The following SDK2 variants were observed in gnomAD, a reference collection of about 807,000 sequenced individuals.
The protein encoded by SDK2 is sidekick cell adhesion molecule 2, also known as protein sidekick-2.
Under a neutral mutation model 253.9 loss-of-function variants are expected in SDK2, and 105 were observed. That is an observed-to-expected ratio of 0.41 (90% CI 0.35 to 0.49). The LOEUF (loss-of-function observed/expected upper bound fraction) is 0.49, where lower values mean the gene tolerates loss of function less well. Ranked by LOEUF, SDK2 falls within the 20% of genes least tolerant of loss-of-function variation. SDK2 has a pLI of 0.06. For synonymous variants in SDK2, 1,249 were observed against 1,234.9 expected (o/e 1.01, Z -0.24); for missense variants, 2,608 against 3,003.0 (o/e 0.87, Z 3.07).
At chr17:73,559,317 G>A (rs8075940) in intron 1 of SDK2, among the ~76,000 whole-genome samples, 42,683 of 152,086 alleles carry the variant, frequency 0.28, 6,297 homozygotes, top group East Asian at 0.48. Context: ...AGATGGTGGC[G>A]ATACATGTGC....
intron 1 of SDK2, among the ~76,000 whole-genome samples, chr17:73,578,723 G>C (rs2045492073): frequency 6.6e-6 from 1 of 152,144 alleles, no homozygotes; most frequent in Non-Finnish European, 1.5e-5. Flanking sequence ...CCAACAGTGT[G>C]AGAGGCTGAG....
In SDK2 at chr17:73,618,509, T is replaced by C. The variant is rs1599730752; in HGVS notation, c.64+25516A>G. 6.6e-6 allele frequency among the ~76,000 whole-genome samples: 1 copy of C among 152,188 alleles called. No individual in the cohort carries two copies. The highest frequency in any genetic ancestry group is 2.4e-5 in the African/African-American group (1 of 41,444). On this transcript the variant is annotated intron_variant, in intron 1 of 44. Transcript: ENST00000392650. The surrounding 1 kb of genome is among the most constrained non-coding windows in gnomAD (Gnocchi z 4.1). ...CTCTTAATTAATCAGCAAGGAACTA[T>C]AAAAAACCTACTGTATGCCCAGGAC... is the stretch of plus-strand genomic sequence containing the variant.
intron 36 of SDK2, among the ~76,000 whole-genome samples, chr17:73,378,916 G>A (rs1289592462): frequency 6.6e-6 from 1 of 152,146 alleles, no homozygotes; most frequent in Non-Finnish European, 1.5e-5. Context: ...GATGGCTAGA[G>A]TTTCTTGCAC....
intron 2 of SDK2, among the ~76,000 whole-genome samples, chr17:73,488,884 G>C (rs149024485): frequency 2.0e-3 from 309 of 152,186 alleles, no homozygotes; most frequent in Middle Eastern, 0.017. Context: ...TTATCGCACA[G>C]TTTGGCATAG....
intron 1 of SDK2, among the ~76,000 whole-genome samples, chr17:73,568,054 A>T (rs2045333387): frequency 6.6e-6 from 1 of 152,184 alleles, no homozygotes; most frequent in Non-Finnish European, 1.5e-5. Context: ...TATGGTTTGG[A>T]TATGTGTCCC....
In SDK2 at chr17:73,465,515, A is replaced by T. The variant is rs905575172; in HGVS notation, c.331+6597T>A. ...TCCGGAAGGCTCTCCCAACCCTCTT[A>T]GCCATTCATCCCACATGCTGAATGC... On this transcript the variant is annotated intron_variant, in intron 3 of 44. Coordinates refer to ENST00000392650, the MANE Select transcript of SDK2 (RefSeq NM_001144952.2). The surrounding 1 kb of genome is among the most constrained non-coding windows in gnomAD (Gnocchi z 4.2). Among the ~76,000 whole-genome samples, 1 of 152,082 alleles carries T rather than the reference A, an allele frequency of 6.6e-6. No homozygotes were observed. The highest frequency in any genetic ancestry group is 2.4e-5 in the African/African-American group (1 of 41,402).
rs147641349 is a variant in SDK2, at chr17:73,440,239, G to T, written c.725+573C>A. ...TCTCCTGTCAGCCTCCAGAGTAGGT[G>T]GGATGACAGGCATGTGACACCACAC... On this transcript the variant is annotated intron_variant, in intron 6 of 44. Transcript: ENST00000392650. Among the ~76,000 whole-genome samples, 1,173 of 152,010 alleles carry T rather than the reference G, an allele frequency of 7.7e-3. 22 individuals carry two copies. Among genetic ancestry groups the T allele is most frequent in the South Asian group, 0.011 (52 of 4,808 alleles).
At chr17:73,546,292 G>A (rs750097848) in intron 1 of SDK2, among the ~76,000 whole-genome samples, 48 of 152,240 alleles carry the variant, frequency 3.2e-4, no homozygotes, top group Non-Finnish European at 5.1e-4. Flanking sequence ...TAGCTGACAC[G>A]TCTGTGAACA....
chr17:73,593,935 T>G (rs1425632364), intron 1 of SDK2, among the ~76,000 whole-genome samples: 1 of 152,210 alleles, frequency 6.6e-6, no homozygotes, highest in African/African-American at 2.4e-5. Flanking sequence ...CATTATCTCC[T>G]TTAATCCCCA....
intron 6 of SDK2, among the ~76,000 whole-genome samples, chr17:73,439,977 C>G (rs2063401540): frequency 6.6e-6 from 1 of 152,170 alleles, no homozygotes; most frequent in Non-Finnish European, 1.5e-5. Flanking sequence ...ACGGAAGGCA[C>G]TTAGCCACAC....
chr17:73,536,536 C>T (rs938702437), intron 1 of SDK2, among the ~76,000 whole-genome samples: 2 of 152,188 alleles, frequency 1.3e-5, no homozygotes, highest in Admixed American at 6.5e-5. Context: ...CTAGGTGTGC[C>T]GAAGCCTTTT....
At chr17:73,491,057 G>A (rs2063803074) in intron 2 of SDK2, among the ~76,000 whole-genome samples, 1 of 152,318 alleles carries the variant, frequency 6.6e-6, no homozygotes, top group Admixed American at 6.5e-5. Context: ...CCTACCTGAA[G>A]ATCCAGTGTG....
chr17:73,623,654 C>T (rs2046162496), intron 1 of SDK2, among the ~76,000 whole-genome samples: 1 of 152,100 alleles, frequency 6.6e-6, no homozygotes, highest in Non-Finnish European at 1.5e-5. Context: ...CTAGCTGCCC[C>T]CTGATCTCAC....
At position 73,618,139 on chromosome 17, in the gene SDK2, G is replaced by T. The variant is rs983754704; in HGVS notation, c.64+25886C>A. ...AAATGCAAGAGACCTTGAACCAATAGATAGGTTTCCTTACCTGCAGGTAGG... is the reference window on the plus strand; with the variant it reads ...AAATGCAAGAGACCTTGAACCAATATATAGGTTTCCTTACCTGCAGGTAGG... On this transcript the variant is annotated intron_variant, in intron 1 of 44. Transcript: ENST00000392650. This position sits in a 1 kb window ranked among gnomAD's most constrained non-coding sequence, Gnocchi z 4.1. 6.6e-6 allele frequency among the ~76,000 whole-genome samples: 1 copy of T among 152,172 alleles called. No homozygotes were observed. Among genetic ancestry groups the T allele is most frequent in the African/African-American group, 2.4e-5 (1 of 41,440 alleles).
At chr17:73,622,984 C>T (rs961479101) in intron 1 of SDK2, among the ~76,000 whole-genome samples, 2 of 152,230 alleles carry the variant, frequency 1.3e-5, no homozygotes, top group African/African-American at 4.8e-5. Context: ...CCTCGGCCAG[C>T]CCTTGCAGTG....
intron 1 of SDK2, among the ~76,000 whole-genome samples, chr17:73,591,210 AC>A (rs2045677428): frequency 6.6e-6 from 1 of 152,158 alleles, no homozygotes; most frequent in Non-Finnish European, 1.5e-5. Flanking sequence ...GAGCCACCGC[AC>A]CCGGTCTTAA....
At chr17:73,401,483 G>T (rs574370706) in intron 20 of SDK2, among the ~76,000 whole-genome samples, 171 bp downstream of exon 20, 64 of 152,256 alleles carry the variant, frequency 4.2e-4, no homozygotes, top group African/African-American at 1.4e-3. Context: ...GCAGACTCTG[G>T]GATGTGTTAT....
chr17:73,642,371 T>C lies in SDK2; in HGVS notation c.64+1654A>G, dbSNP rs1183919060. Among the ~76,000 whole-genome samples, 1 of 152,334 alleles carries C rather than the reference T, an allele frequency of 6.6e-6. No homozygotes were observed. The highest frequency in any genetic ancestry group is 2.1e-4 in the South Asian group (1 of 4,824). On this transcript the variant is annotated intron_variant, in intron 1 of 44. Coordinates refer to ENST00000392650, the MANE Select transcript of SDK2 (RefSeq NM_001144952.2). This position sits in a 1 kb window ranked among gnomAD's most constrained non-coding sequence, Gnocchi z 4.7. Reference sequence around the variant, plus strand: ...AAGTTAGAAGGGTCCAGACAGATGCTGGCATCCCGTCCCTCCACGCCGTCC... The same window carrying C: ...AAGTTAGAAGGGTCCAGACAGATGCCGGCATCCCGTCCCTCCACGCCGTCC...
chr17:73,365,730 G>A, intron 37 of SDK2, among the ~76,000 whole-genome samples: 1 of 152,262 alleles, frequency 6.6e-6, no homozygotes, highest in Middle Eastern at 3.4e-3. Context: ...GGGTCATCGT[G>A]GGGCAAGGCC....
Sources: allele counts gnomAD v4.1 joint callset (sites outside exome capture counted in the v4.1 genomes callset), GRCh38; gene constraint gnomAD v4.1.1; non-coding constraint Gnocchi (gnomAD v3.1); transcripts MANE v1.5; gene names NCBI Gene and HGNC (gene_info 2026-07-23, HGNC 2026-07-21).